The following PURG variants were observed in gnomAD, a reference collection of about 807,000 sequenced individuals.
The protein encoded by PURG is purine-rich element-binding protein gamma.
A neutral mutation model predicts 24.3 loss-of-function variants in PURG; 3 were observed. That is an observed-to-expected ratio of 0.12 (90% CI 0.06 to 0.32). The LOEUF (loss-of-function observed/expected upper bound fraction) is 0.32, where lower values mean the gene tolerates loss of function less well. PURG is among the 10% of genes least tolerant of loss of function. PURG has a pLI of 1.00. For synonymous variants in PURG, 180 were observed against 173.1 expected, an observed-to-expected ratio of 1.04 and a Z score of -0.31; for missense variants, 371 against 439.1, an observed-to-expected ratio of 0.84 and a Z score of 1.39.
At chr8:31,016,581 C>CAGAAAAAA (rs1810871660) in intron 1 of PURG, among the ~76,000 whole-genome samples, 1 of 57,532 alleles carries the variant, frequency 1.7e-5, no homozygotes, top group Non-Finnish European at 3.0e-5. Flanking sequence ...TACCAAGAAC[C>CAGAAAAAA]AAAAAAAAAA....
chr8:31,016,486 A>T (rs189161042), intron 1 of PURG, among the ~76,000 whole-genome samples: 124 of 150,300 alleles, frequency 8.3e-4, no homozygotes, highest in African/African-American at 2.9e-3. Context: ...CAAAAAAATC[A>T]TCATTCCATG....
At chr8:31,027,293 A>G (rs532617445), downstream of PURG, among the ~76,000 whole-genome samples, 9 of 151,900 alleles carry the variant, frequency 5.9e-5, no homozygotes, top group Non-Finnish European at 1.2e-4. Context: ...ACAGACTTCA[A>G]ACTAAGTGGT....
At chr8:31,023,462 G>T (rs567942729) in intron 1 of PURG, among the ~76,000 whole-genome samples, 2 of 151,686 alleles carry the variant, frequency 1.3e-5, no homozygotes, top group Non-Finnish European at 2.9e-5. Context: ...GCAGTGGCGG[G>T]GCACTGCATA....
chr8:30,999,647 A>G (rs1190848230), intron 1 of PURG, among the ~76,000 whole-genome samples: 1 of 152,026 alleles, frequency 6.6e-6, no homozygotes, highest in Non-Finnish European at 1.5e-5. Flanking sequence ...CCAAAGTGCC[A>G]CAAGTTGACA....
intron 1 of PURG, among the ~76,000 whole-genome samples, chr8:31,004,012 A>G (rs1474696702): frequency 1.3e-5 from 2 of 152,216 alleles, no homozygotes; most frequent in Non-Finnish European, 2.9e-5. Context: ...GAAAAAGACA[A>G]TAAGCAGAAA....
intron 1 of PURG, among the ~76,000 whole-genome samples, chr8:31,010,160 T>A (rs538462206): frequency 1.3e-5 from 2 of 152,354 alleles, no homozygotes; most frequent in East Asian, 3.9e-4. Context: ...ACTCGCTGTT[T>A]AATTAACCAA....
At chr8:31,008,485 G>A (rs1401897424) in intron 1 of PURG, among the ~76,000 whole-genome samples, 2 of 152,114 alleles carry the variant, frequency 1.3e-5, no homozygotes, top group Non-Finnish European at 2.9e-5. Flanking sequence ...TGTATTTTTA[G>A]TAAAGATGGG....
At chr8:31,004,647 T>A (rs1001204877) in intron 1 of PURG, among the ~76,000 whole-genome samples, 8 of 152,074 alleles carry the variant, frequency 5.3e-5, no homozygotes, top group African/African-American at 1.9e-4. Context: ...CACTCCAGAC[T>A]GGGCAACAGA....
chr8:31,029,644 G>A (rs1352743841), downstream of PURG, among the ~76,000 whole-genome samples: 4 of 151,660 alleles, frequency 2.6e-5, no homozygotes, highest in African/African-American at 4.8e-5. Flanking sequence ...TACACTCATA[G>A]CAATAGCGAT....
At chr8:31,004,333 G>C (rs1810601206) in intron 1 of PURG, among the ~76,000 whole-genome samples, 1 of 152,140 alleles carries the variant, frequency 6.6e-6, no homozygotes, top group Non-Finnish European at 1.5e-5. Context: ...AAGCTCCTGA[G>C]GCATCACCAT....
chr8:31,009,472 T>C (rs1810724541), intron 1 of PURG, among the ~76,000 whole-genome samples: 2 of 151,966 alleles, frequency 1.3e-5, no homozygotes, highest in African/African-American at 4.8e-5. Flanking sequence ...CCAGAATAAT[T>C]CAGTCTGCAT....
At chr8:31,005,957 G>T (rs1250253644) in intron 1 of PURG, among the ~76,000 whole-genome samples, 1 of 151,778 alleles carries the variant, frequency 6.6e-6, no homozygotes, top group Admixed American at 6.6e-5. Flanking sequence ...CTTACAGGTG[G>T]GAAGGAAACA....
Position 31,032,069 on chromosome 8 carries a change from C to T in PURG, c.714G>A (p.Gln238=). The T allele has an allele frequency of 1.2e-6, 2 of 1,614,212 alleles. No individual in the cohort carries two copies. The highest frequency in any genetic ancestry group is 8.5e-7 in the Non-Finnish European group (1 of 1,180,036). ...CTCCTTCGCCATAGTCTTCAATCAGCTGAACCAAGGCATCACGAAACTCAA... is the reference window on the plus strand; with the variant it reads ...CTCCTTCGCCATAGTCTTCAATCAGTTGAACCAAGGCATCACGAAACTCAA... ...GMIEFRDALV[Q]LIEDYGEGDI... is the part of the protein sequence containing the mutation. Residue 238 remains glutamine, a synonymous_variant, in exon 2 of 2, where the codon CAG becomes CAA. Coordinates refer to ENST00000523392, the MANE Select transcript of PURG (RefSeq NM_001323311.2). The surrounding 1 kb of genome is among the most constrained non-coding windows in gnomAD (Gnocchi z 5.9).
At position 31,032,175 on chromosome 8, in the gene PURG, A is replaced by T; in HGVS notation, c.608T>A (p.Met203Lys). 6.2e-7 allele frequency: 1 copy of T among 1,614,118 alleles called. No individual in the cohort carries two copies. The highest frequency in any genetic ancestry group is 1.1e-5 in the South Asian group (1 of 91,084). Reference protein sequence around the residue: ...GRFLRIRQTMMRGTGMIGYFG... With the variant: ...GRFLRIRQTMKRGTGMIGYFG... ...ATAACCTATCATGCCAGTCCCCCGC[A>T]TCATGGTTTGTCTAATCCGTAGGAA... Residue 203 changes from methionine (M) to lysine (K), a missense_variant, in exon 2 of 2, where the codon ATG becomes AAG. Physicochemically the swap from Met to Lys is moderately conservative, Grantham distance 95 (BLOSUM62 -1). Transcript: ENST00000523392. The surrounding 1 kb of genome is among the most constrained non-coding windows in gnomAD (Gnocchi z 5.9).
chr8:31,013,443 T>C (rs955581595), intron 1 of PURG, among the ~76,000 whole-genome samples: 10 of 152,174 alleles, frequency 6.6e-5, no homozygotes, highest in African/African-American at 1.7e-4. Flanking sequence ...CATTGTACCA[T>C]ATAAAGGTTC....
intron 1 of PURG, among the ~76,000 whole-genome samples, chr8:31,017,543 A>G (rs1810898578): frequency 6.6e-6 from 1 of 152,152 alleles, no homozygotes; most frequent in African/African-American, 2.4e-5. Context: ...ATAACATTTA[A>G]ATCACTCAGA....
intron 1 of PURG, among the ~76,000 whole-genome samples, chr8:31,024,339 T>C (rs1811052913): frequency 6.6e-6 from 1 of 152,116 alleles, no homozygotes; most frequent in Admixed American, 6.5e-5. Context: ...TTTTAAACAT[T>C]TAGAGTAGGA....
chr8:31,027,413 T>C (rs933628737), downstream of PURG, among the ~76,000 whole-genome samples: 1 of 151,706 alleles, frequency 6.6e-6, no homozygotes, highest in Admixed American at 6.6e-5. Flanking sequence ...GAAAAAATTA[T>C]TTTCAGAAAA....
chr8:31,015,343 T>A (rs573548477), intron 1 of PURG, among the ~76,000 whole-genome samples: 151 of 152,142 alleles, frequency 9.9e-4, no homozygotes, highest in African/African-American at 3.2e-3. Context: ...TTAACCACAA[T>A]TGAAAACAAA....
Sources: gnomAD v4.1 joint callset for allele counts (sites outside exome capture counted in the v4.1 genomes callset) on GRCh38, gnomAD v4.1.1 for gene constraint, Gnocchi (gnomAD v3.1) non-coding constraint, MANE v1.5 for transcripts, NCBI Gene and HGNC (gene_info 2026-07-23, HGNC 2026-07-21) for gene names.